The following DLGAP4 variants were observed in gnomAD, a reference collection of about 807,000 sequenced individuals.
DLGAP4 encodes DLG associated protein 4.
In DLGAP4, 18 loss-of-function variants were observed where a neutral mutation model predicts 86.9. That is an observed-to-expected ratio of 0.21 (90% CI 0.14 to 0.31). The LOEUF (loss-of-function observed/expected upper bound fraction) is 0.31, where lower values mean the gene tolerates loss of function less well. DLGAP4 is among the 10% of genes least tolerant of loss of function. The probability of loss-of-function intolerance (pLI) is 1.00; values close to 1 mark genes in which losing one functional copy is unlikely to be tolerated. For missense variants in DLGAP4, 1,085 were observed against 1,362.6 expected (o/e 0.80, Z 3.21); for synonymous variants, 548 against 574.3 (o/e 0.95, Z 0.65).
At chr20:36,436,464 C>A in intron 4 of DLGAP4, 114 bp downstream of exon 4, 1 of 1,416,062 alleles carries the variant, frequency 7.1e-7, no homozygotes, top group Non-Finnish European at 9.2e-7. Context: ...GCGTGGGAGC[C>A]ACGCCCCCTT....
At chr20:36,449,602 G>A (rs182806812) in intron 7 of DLGAP4, among the ~76,000 whole-genome samples, 18 of 152,304 alleles carry the variant, frequency 1.2e-4, no homozygotes, top group Admixed American at 5.2e-4. Flanking sequence ...CAAAGGGGCC[G>A]TGGGTGAAGG....
chr20:36,370,547 C>A (rs978128112), intron 2 of DLGAP4, among the ~76,000 whole-genome samples: 1 of 151,732 alleles, frequency 6.6e-6, no homozygotes, highest in African/African-American at 2.4e-5. Context: ...GGGGAGAAGG[C>A]CAAGGCATAC....
chr20:36,457,088 A>C (rs2147603317), intron 7 of DLGAP4, among the ~76,000 whole-genome samples: 1 of 152,268 alleles, frequency 6.6e-6, no homozygotes, highest in East Asian at 1.9e-4. Context: ...AATAAACATA[A>C]ATAAGTGTGT....
At chr20:36,380,618 AG>A (rs2031346988) in intron 2 of DLGAP4, among the ~76,000 whole-genome samples, 1 of 22,812 alleles carries the variant, frequency 4.4e-5, no homozygotes, top group Non-Finnish European at 7.5e-5. Flanking sequence ...AGAGAGAGAG[AG>A]AGAGAGAGAG....
intron 11 of DLGAP4, chr20:36,525,390 G>C (rs1018143920): frequency 4.9e-6 from 1 of 205,544 alleles, no homozygotes; most frequent in Non-Finnish European, 1.0e-5. Flanking sequence ...CTCCCAGCGG[G>C]AGGCAGTGGA....
chr20:36,513,409 G>A (rs192079933), intron 10 of DLGAP4, among the ~76,000 whole-genome samples: 11 of 150,504 alleles, frequency 7.3e-5, no homozygotes, highest in African/African-American at 1.5e-4. Context: ...TTAGCCGGGC[G>A]CGGTGGCGGG....
intron 1 of DLGAP4, among the ~76,000 whole-genome samples, chr20:36,364,076 T>TTTTTGTTTTG (rs373720701): frequency 2.6e-5 from 4 of 152,150 alleles, no homozygotes; most frequent in African/African-American, 7.2e-5. Flanking sequence ...TTGCAGAATC[T>TTTTTGTTTTG]TTTTGTTTTG....
In DLGAP4 at chr20:36,446,780, G is replaced by T; in HGVS notation, c.1491G>T (p.Thr497=). ...CSEAESTAAE[T]LDLPLPSYFR... is the part of the protein sequence containing the mutation. ...AAGCGGAGTCCACAGCGGCAGAGACGCTTGACTTGCCACTGCCCAGCTACT... is the reference window on the plus strand; with the variant it reads ...AAGCGGAGTCCACAGCGGCAGAGACTCTTGACTTGCCACTGCCCAGCTACT... Residue 497 remains threonine (T), a synonymous_variant, in exon 7 of 13, where the codon ACG becomes ACT. Transcript: ENST00000339266. The T allele has an allele frequency of 3.7e-6, 6 of 1,612,698 alleles. No homozygotes were observed. The highest frequency in any genetic ancestry group is 5.1e-6 in the Non-Finnish European group (6 of 1,179,764).
At chr20:36,463,567 C>T (rs1018715746) in intron 7 of DLGAP4, among the ~76,000 whole-genome samples, 2 of 152,246 alleles carry the variant, frequency 1.3e-5, no homozygotes, top group Non-Finnish European at 2.9e-5. Context: ...ATTCAGGCCC[C>T]AATCCTGCTT....
chr20:36,402,344 G>A (rs2032187507), intron 2 of DLGAP4, among the ~76,000 whole-genome samples: 1 of 152,180 alleles, frequency 6.6e-6, no homozygotes, highest in Admixed American at 6.5e-5. Flanking sequence ...AAAAGAAAAG[G>A]CATAATCTCA....
In DLGAP4 at chr20:36,379,973, G is replaced by A. The variant is rs191804033; in HGVS notation, c.-73+12698G>A. 6.6e-5 allele frequency among the ~76,000 whole-genome samples: 10 copies of A among 152,294 alleles called. No individual in the cohort carries two copies. In the East Asian group the frequency reaches 1.9e-3, roughly 29 times the overall value. ...AAGGTGGGAGAATCGCTTGAGGTCA[G>A]GAATTTGAGACCAGCCTGGGCAACA... On this transcript the variant is annotated intron_variant, in intron 2 of 12. Transcript: ENST00000339266.
intron 1 of DLGAP4, among the ~76,000 whole-genome samples, chr20:36,311,375 C>T (rs1403520865): frequency 3.9e-5 from 6 of 152,198 alleles, no homozygotes; most frequent in East Asian, 3.9e-4. Flanking sequence ...TGCTGGGTTT[C>T]GCAACGCCGC....
intron 6 of DLGAP4, among the ~76,000 whole-genome samples, chr20:36,443,399 C>T (rs745935304): frequency 2.8e-4 from 43 of 152,160 alleles, no homozygotes; most frequent in Non-Finnish European, 4.4e-5. Flanking sequence ...AGGAAAGGTA[C>T]TCTGAGATCA....
At chr20:36,502,955 C>G (rs1376928243) in intron 10 of DLGAP4, among the ~76,000 whole-genome samples, 4 of 152,154 alleles carry the variant, frequency 2.6e-5, no homozygotes, top group Non-Finnish European at 5.9e-5. Flanking sequence ...AAACTCCTGA[C>G]CTCAGATAAT....
chr20:36,461,845 G>T, intron 7 of DLGAP4: 1 of 980,708 alleles, frequency 1.0e-6, no homozygotes, highest in Non-Finnish European at 1.2e-6. Flanking sequence ...TCCCCGGCTC[G>T]CTGTCTCTTT....
At chr20:36,524,582 A>G (rs538609715) in intron 11 of DLGAP4, among the ~76,000 whole-genome samples, 1 of 152,290 alleles carries the variant, frequency 6.6e-6, no homozygotes, top group East Asian at 1.9e-4. Flanking sequence ...TGGTAAAGTC[A>G]ATTAGCACTG....
chr20:36,485,911 A>G (rs1020111530), intron 7 of DLGAP4, among the ~76,000 whole-genome samples: 4 of 152,018 alleles, frequency 2.6e-5, no homozygotes, highest in Non-Finnish European at 5.9e-5. Flanking sequence ...GGTTTGTTGC[A>G]CTCTCATTCC....
At chr20:36,336,596 C>A (rs1465093828) in intron 1 of DLGAP4, among the ~76,000 whole-genome samples, 3 of 152,170 alleles carry the variant, frequency 2.0e-5, no homozygotes, top group Non-Finnish European at 4.4e-5. Context: ...GGCATGAGTA[C>A]CAGCAGGTGT....
chr20:36,352,385 G>C (rs2030185930), intron 1 of DLGAP4, among the ~76,000 whole-genome samples: 1 of 151,418 alleles, frequency 6.6e-6, no homozygotes, highest in Non-Finnish European at 1.5e-5. Flanking sequence ...GGGATCATGA[G>C]TGCAGGCAGG....
Sources: allele counts gnomAD v4.1 joint callset (sites outside exome capture counted in the v4.1 genomes callset), GRCh38; gene constraint gnomAD v4.1.1; transcripts MANE v1.5; gene names NCBI Gene and HGNC (gene_info 2026-07-23, HGNC 2026-07-21).